The following VPS13D variants were observed in gnomAD, a reference collection of about 807,000 sequenced individuals.
VPS13D encodes intermembrane lipid transfer protein VPS13D.
A neutral mutation model predicts 461.9 loss-of-function variants in VPS13D; 187 were observed. The observed-to-expected ratio is 0.40, with a 90% CI of 0.36 to 0.46. The LOEUF (loss-of-function observed/expected upper bound fraction) is 0.46, where lower values mean the gene tolerates loss of function less well. VPS13D is among the 20% of genes least tolerant of loss of function. VPS13D has a pLI of 0.60. For synonymous variants in VPS13D, 1,951 were observed against 1,986.3 expected, an observed-to-expected ratio of 0.98 and a Z score of 0.47; for missense variants, 4,711 against 5,364.9, an observed-to-expected ratio of 0.88 and a Z score of 3.81.
chr1:12,284,168 A>G (rs909836006), intron 21 of VPS13D, among the ~76,000 whole-genome samples: 2 of 152,190 alleles, frequency 1.3e-5, no homozygotes, highest in African/African-American at 4.8e-5. Context: ...ATTGAGGGCA[A>G]CAGCGTAACT....
At chr1:12,347,317 C>A (rs1174524829) in intron 44 of VPS13D, among the ~76,000 whole-genome samples, 1 of 152,036 alleles carries the variant, frequency 6.6e-6, no homozygotes, top group Admixed American at 6.5e-5. Context: ...ACTACAGGCA[C>A]CTGCCACCAC....
At position 12,266,889 on chromosome 1, in the gene VPS13D, C is replaced by T. The variant is rs1315410220; in HGVS notation, c.1603C>T (p.Leu535Phe). 1.3e-6 allele frequency: 2 copies of T among 1,590,744 alleles called. No individual in the cohort carries two copies. Among genetic ancestry groups the T allele is most frequent in the Non-Finnish European group, 1.7e-6 (2 of 1,171,072 alleles). ...FMQLEFSDVK[L>F]LAESLPRRNS... is the part of the protein sequence containing the mutation. Reference sequence around the variant, plus strand: ...TTATTTATCTTTTATAGATGTAAAACTTCTAGCAGAGTCTCTTCCTCGAAG... The same window carrying T: ...TTATTTATCTTTTATAGATGTAAAATTTCTAGCAGAGTCTCTTCCTCGAAG... The change falls in exon 14 of 70, where the codon CTT becomes TTT. Residue 535 changes from leucine (L) to phenylalanine (F), a missense_variant. This residue lies in a region of VPS13D where 4,411 missense variants were observed against 4,937.8 expected (regional missense o/e 0.89). Coordinates refer to ENST00000620676, the MANE Select transcript of VPS13D (RefSeq NM_015378.4).
intron 40 of VPS13D, among the ~76,000 whole-genome samples, chr1:12,339,836 C>T (rs1267182656): frequency 6.6e-6 from 1 of 152,192 alleles, no homozygotes; most frequent in Non-Finnish European, 1.5e-5. Context: ...AACTCCAAAG[C>T]AGTATACTTG....
chr1:12,274,282 C>T (rs547875874), intron 18 of VPS13D, among the ~76,000 whole-genome samples: 22 of 152,330 alleles, frequency 1.4e-4, no homozygotes, highest in Non-Finnish European at 2.4e-4. Context: ...TCAGGTGATC[C>T]GCCCACCTTG....
At chr1:12,358,625 G>A in intron 50 of VPS13D, 24 bp downstream of exon 50, 1 of 1,612,380 alleles carries the variant, frequency 6.2e-7, no homozygotes, top group Non-Finnish European at 8.5e-7. Flanking sequence ...GGGGCAGCGG[G>A]ACAATCAGAA....
intron 63 of VPS13D, among the ~76,000 whole-genome samples, chr1:12,409,154 CTT>C (rs1644692331): frequency 6.6e-6 from 1 of 151,730 alleles, no homozygotes; most frequent in Non-Finnish European, 1.5e-5. Context: ...ATTTATTAGT[CTT>C]TTGCTGTTTT....
chr1:12,380,817 T>C (rs1644263103), intron 57 of VPS13D, among the ~76,000 whole-genome samples: 2 of 152,242 alleles, frequency 1.3e-5, no homozygotes, highest in Non-Finnish European at 2.9e-5. Flanking sequence ...TTATTTTCTT[T>C]ATCTCTATCG....
chr1:12,238,681 G>C (rs1181868284), intron 2 of VPS13D, among the ~76,000 whole-genome samples: 1 of 149,434 alleles, frequency 6.7e-6, no homozygotes, highest in Non-Finnish European at 1.5e-5. Flanking sequence ...ACCCAGGCTA[G>C]AGTGCAGTAG....
At chr1:12,326,394 G>A (rs1643189564) in intron 35 of VPS13D, among the ~76,000 whole-genome samples, 1 of 146,066 alleles carries the variant, frequency 6.8e-6, no homozygotes, top group Non-Finnish European at 1.5e-5. Context: ...TGTAGTGGTG[G>A]CACAATGATC....
chr1:12,347,733 G>T (rs1250660145), intron 44 of VPS13D, among the ~76,000 whole-genome samples: 3 of 152,192 alleles, frequency 2.0e-5, no homozygotes, highest in Admixed American at 6.5e-5. Flanking sequence ...AAGCTTGAAT[G>T]TCATGCCATT....
chr1:12,482,061 T>C (rs567516215), intron 67 of VPS13D, among the ~76,000 whole-genome samples: 15 of 152,338 alleles, frequency 9.8e-5, no homozygotes, highest in Middle Eastern at 3.4e-3. Flanking sequence ...TTCCTGCTGT[T>C]CAGGGTCAGA....
At chr1:12,431,552 T>C (rs1327062230) in intron 65 of VPS13D, among the ~76,000 whole-genome samples, 1 of 151,446 alleles carries the variant, frequency 6.6e-6, no homozygotes. Flanking sequence ...TTGCCTACTG[T>C]ATATCTTCTC....
intron 3 of VPS13D, among the ~76,000 whole-genome samples, chr1:12,242,958 C>T (rs423428): frequency 0.04 from 5,783 of 143,734 alleles, 224 homozygotes; most frequent in African/African-American, 0.1. Context: ...CTTTTCTTTT[C>T]TTTTTTTTTT....
Position 12,341,841 on chromosome 1 carries a change from G to A in VPS13D, c.8688G>A (p.Thr2896=), listed in dbSNP as rs764748672. 4 of 1,613,872 alleles carry A rather than the reference G, an allele frequency of 2.5e-6. No homozygotes were observed. The highest frequency in any genetic ancestry group is 1.3e-5 in the African/African-American group (1 of 74,850). Residue 2896 remains threonine, a synonymous_variant, in exon 41 of 70, where the codon ACG becomes ACA. Transcript: ENST00000620676. ...PFVPFALRNH[T]GCTLWFATLT... is the part of the protein sequence containing the mutation. Reference sequence around the variant, plus strand: ...TCCCCTTTGCTCTGAGGAACCACACGGGGTGCACTTTGTGGTTTGCCACCC... The same window carrying A: ...TCCCCTTTGCTCTGAGGAACCACACAGGGTGCACTTTGTGGTTTGCCACCC...
intron 63 of VPS13D, among the ~76,000 whole-genome samples, 175 bp downstream of exon 63, chr1:12,404,148 C>CT (rs1644617466): frequency 7.1e-6 from 1 of 141,814 alleles, no homozygotes; most frequent in Admixed American, 7.1e-5. Context: ...GGTTTATTGA[C>CT]TTACGTGTAT....
At chr1:12,354,357 C>G (rs75977924) in intron 47 of VPS13D, 136 bp downstream of exon 47, 17,866 of 1,137,048 alleles carry the variant, frequency 0.016, 524 homozygotes, top group Admixed American at 0.12. Context: ...TCAAAGGAAT[C>G]AGTGCAGTTA....
rs950169407 is a variant in VPS13D, at chr1:12,342,966, A to C, written c.8800A>C (p.Thr2934Pro). 1.9e-6 allele frequency: 3 copies of C among 1,613,784 alleles called. No individual in the cohort carries two copies. Among genetic ancestry groups the C allele is most frequent in the Non-Finnish European group, 2.5e-6 (3 of 1,179,824 alleles). Residue 2934 changes from threonine to proline, a missense_variant, in exon 42 of 70, where the codon ACT becomes CCT. Thr to Pro is a conservative substitution (Grantham distance 38). Transcript: ENST00000620676. ...PEGNGTFLDD[T>P]HNVSEWREVL... Reference sequence around the variant, plus strand: ...AGGGAACGGAACATTTCTCGATGATACTCACAATGTTAGTGAATGGCGAGA... The same window carrying C: ...AGGGAACGGAACATTTCTCGATGATCCTCACAATGTTAGTGAATGGCGAGA...
At chr1:12,474,096 C>T (rs770080742) in intron 67 of VPS13D, among the ~76,000 whole-genome samples, 1 of 152,020 alleles carries the variant, frequency 6.6e-6, no homozygotes, top group Non-Finnish European at 1.5e-5. Context: ...CCAGGTTTGT[C>T]GGGTAAAAGT....
chr1:12,321,238 T>TTAATAATAAACA (rs1484281230), intron 32 of VPS13D, among the ~76,000 whole-genome samples: 1 of 152,224 alleles, frequency 6.6e-6, no homozygotes, highest in South Asian at 2.1e-4. Flanking sequence ...TCACCCAGTT[T>TTAATAATAAACA]TAATAATATG....
Sources: gnomAD v4.1 joint callset for allele counts (sites outside exome capture counted in the v4.1 genomes callset) on GRCh38, gnomAD v4.1.1 for gene constraint, gnomAD v4.1.1 regional missense constraint, MANE v1.5 for transcripts, NCBI Gene and HGNC (gene_info 2026-07-23, HGNC 2026-07-21) for gene names.